Variants in ZCCHC2 observed in about 807,000 individuals in gnomAD.
ZCCHC2 encodes the protein zinc finger CCHC domain-containing protein 2.
ZCCHC2 carries 39 observed loss-of-function variants against 103.6 expected under a neutral mutation model. The ratio of observed to expected loss-of-function variants is 0.38; its 90% CI spans 0.29 to 0.49. The LOEUF is 0.49. Ranked by LOEUF, ZCCHC2 falls within the 20% of genes least tolerant of loss-of-function variation. ZCCHC2 has a pLI of 0.96. For missense variants in ZCCHC2, 1,483 were observed against 1,491.0 expected, an observed-to-expected ratio of 0.99 and a Z score of 0.09; for synonymous variants, 687 against 608.9, an observed-to-expected ratio of 1.13 and a Z score of -1.89.
Position 62,576,763 on chromosome 18 carries a change from T to G in ZCCHC2, c.*184T>G. ...AAAGAATGCAATGCTTTTGAGCCTC[T>G]GGTCTCCTGGTTCAACAACAGGCTT... On this transcript the variant is annotated 3_prime_UTR_variant, in exon 14 of 14. Transcript: ENST00000269499. 2 of 564,484 alleles carry G rather than the reference T, an allele frequency of 3.5e-6. No homozygotes were observed. Among genetic ancestry groups the G allele is most frequent in the Non-Finnish European group, 6.3e-6 (2 of 319,394 alleles). 35.0% of individuals were successfully genotyped at this position (564,484 alleles called of 1,614,324 possible). A position where few individuals can be genotyped will look rare whatever the true frequency, so the allele number is the denominator to read the frequency against.
intron 12 of ZCCHC2, among the ~76,000 whole-genome samples, chr18:62,571,560 G>A (rs1267923011): frequency 6.6e-6 from 1 of 152,170 alleles, no homozygotes; most frequent in East Asian, 1.9e-4. Context: ...ATGGAAGAGT[G>A]GATTATTAGA....
At chr18:62,545,970 AGTCCCTG>A (rs1390520783) in intron 4 of ZCCHC2, among the ~76,000 whole-genome samples, 1 of 152,218 alleles carries the variant, frequency 6.6e-6, no homozygotes, top group Non-Finnish European at 1.5e-5. Flanking sequence ...ATTTCTTATT[AGTCCCTG>A]TGAATGAAGT....
intron 4 of ZCCHC2, 89 bp from the exon 5 acceptor site, chr18:62,550,259 A>G (rs1915605112): frequency 1.0e-6 from 1 of 955,416 alleles, no homozygotes; most frequent in African/African-American, 1.7e-5. Flanking sequence ...AGCAGGAGGC[A>G]TTAATCTTCA....
At chr18:62,545,708 A>G (rs771777713) in intron 4 of ZCCHC2, among the ~76,000 whole-genome samples, 21 of 152,244 alleles carry the variant, frequency 1.4e-4, no homozygotes, top group Non-Finnish European at 2.4e-4. Context: ...GAGATAAAGC[A>G]GAAAGTCCAG....
downstream of ZCCHC2, among the ~76,000 whole-genome samples, chr18:62,582,546 G>A (rs1917064445): frequency 6.6e-6 from 1 of 152,148 alleles, no homozygotes; most frequent in Non-Finnish European, 1.5e-5. Context: ...GGGCATGGTG[G>A]TGTGTGCCTG....
chr18:62,547,916 G>A (rs1346966788), intron 4 of ZCCHC2, among the ~76,000 whole-genome samples: 1 of 152,114 alleles, frequency 6.6e-6, no homozygotes, highest in Non-Finnish European at 1.5e-5. Flanking sequence ...TGATCAGAAT[G>A]TCTACTCTGT....
intron 6 of ZCCHC2, among the ~76,000 whole-genome samples, 185 bp downstream of exon 6, chr18:62,556,482 A>G (rs1915889259): frequency 6.6e-6 from 1 of 152,264 alleles, no homozygotes; most frequent in Admixed American, 6.5e-5. Flanking sequence ...AAAAGCTAAT[A>G]TAACAGAGCA....
downstream of ZCCHC2, among the ~76,000 whole-genome samples, chr18:62,579,881 C>T (rs1484184338): frequency 6.6e-6 from 1 of 151,552 alleles, no homozygotes; most frequent in Non-Finnish European, 1.5e-5. Flanking sequence ...TACCACCACG[C>T]CCAGCCAATT....
At chr18:62,542,628 G>T in intron 3 of ZCCHC2, 54 bp downstream of exon 3, 1 of 1,459,810 alleles carries the variant, frequency 6.9e-7, no homozygotes, top group South Asian at 1.2e-5. Flanking sequence ...AATGATCTTT[G>T]GGAAAACTTG....
At chr18:62,524,583 C>T (rs1043717140) in intron 1 of ZCCHC2, 1 of 630,940 alleles carries the variant, frequency 1.6e-6, no homozygotes. Context: ...ACACAGCCAC[C>T]CGCCATCACA....
At chr18:62,562,081 C>G (rs1916140333) in intron 8 of ZCCHC2, among the ~76,000 whole-genome samples, 1 of 152,170 alleles carries the variant, frequency 6.6e-6, no homozygotes, top group Non-Finnish European at 1.5e-5. Flanking sequence ...GCTGCAACCT[C>G]TGCCTCCTGG....
At chr18:62,584,633 C>T (rs532498485) in exon 15 of ZCCHC2, 1 of 152,268 alleles carries the variant, frequency 6.6e-6, no homozygotes, top group Admixed American at 6.5e-5. Context: ...AGCCTGTGCC[C>T]AAAACCTTAA....
chr18:62,547,767 GC>G (rs1347686005), intron 4 of ZCCHC2, among the ~76,000 whole-genome samples: 5 of 152,048 alleles, frequency 3.3e-5, no homozygotes, highest in African/African-American at 4.8e-5. Flanking sequence ...TTGCCATGTT[GC>G]CCAGGCTGAT....
chr18:62,557,213 C>T (rs1043868417), intron 6 of ZCCHC2, among the ~76,000 whole-genome samples: 1 of 152,190 alleles, frequency 6.6e-6, no homozygotes, highest in African/African-American at 2.4e-5. Flanking sequence ...TACACATCTA[C>T]CTCAGCCTGC....
At chr18:62,546,099 G>T (rs1915394305) in intron 4 of ZCCHC2, among the ~76,000 whole-genome samples, 1 of 152,212 alleles carries the variant, frequency 6.6e-6, no homozygotes, top group South Asian at 2.1e-4. Context: ...ACCTGCCTTG[G>T]GTAAGATTAG....
intron 1 of ZCCHC2, among the ~76,000 whole-genome samples, chr18:62,534,063 A>G (rs1252264491): frequency 6.6e-6 from 1 of 152,092 alleles, no homozygotes; most frequent in Non-Finnish European, 1.5e-5. Flanking sequence ...TTGAATCTTC[A>G]ATGGGTGGAT....
intron 2 of ZCCHC2, 49 bp from the exon 3 acceptor site, chr18:62,542,446 ATGT>A: frequency 6.9e-7 from 1 of 1,440,654 alleles, no homozygotes; most frequent in South Asian, 1.3e-5. Flanking sequence ...GGTAAGTGAA[ATGT>A]GTCTATAGTC....
intron 3 of ZCCHC2, among the ~76,000 whole-genome samples, chr18:62,544,322 AT>A (rs1915321328): frequency 6.6e-6 from 1 of 152,226 alleles, no homozygotes; most frequent in Non-Finnish European, 1.5e-5. Flanking sequence ...TGAGATAAAG[AT>A]GAAATCTCTT....
In ZCCHC2 at chr18:62,560,575, C is replaced by T. The variant is rs1222340057; in HGVS notation, c.1493-12C>T. ...CATTTAGTGTAATAAGTTACTTTTT[C>T]CTCTCTTCTAGATGTGTTGCAGCAT... On this transcript the variant is annotated splice_polypyrimidine_tract_variant and intron_variant, in intron 7 of 13. Transcript: ENST00000269499. The T allele has an allele frequency of 1.2e-6, 2 of 1,609,530 alleles. No individual in the cohort carries two copies. Among genetic ancestry groups the T allele is most frequent in the Non-Finnish European group, 1.7e-6 (2 of 1,177,662 alleles).
Sources: gnomAD v4.1 joint callset for allele counts (sites outside exome capture counted in the v4.1 genomes callset) on GRCh38, gnomAD v4.1.1 for gene constraint, MANE v1.5 for transcripts, NCBI Gene and HGNC (gene_info 2026-07-23, HGNC 2026-07-21) for gene names.